Variants in MNAT1 observed in about 807,000 individuals in gnomAD.
MNAT1 encodes the protein CDK-activating kinase assembly factor MAT1.
In MNAT1, 43 loss-of-function variants were observed where a neutral mutation model predicts 42.0. That is an observed-to-expected ratio of 1.02 (90% CI 0.80 to 1.32). The LOEUF is 1.32. Ranked by LOEUF, MNAT1 falls within the 40% of genes most tolerant of loss-of-function variation. MNAT1 has a pLI of 0.00. For synonymous variants in MNAT1, 118 were observed against 120.0 expected (o/e 0.98, Z 0.11); for missense variants, 306 against 350.4 (o/e 0.87, Z 1.01).
At chr14:60,878,647 G>GT (rs1486366522) in intron 6 of MNAT1, among the ~76,000 whole-genome samples, 1 of 152,114 alleles carries the variant, frequency 6.6e-6, no homozygotes. Context: ...AATGCCATGA[G>GT]TATTTTGAAT....
At chr14:60,784,976 C>A (rs564704083) in intron 1 of MNAT1, among the ~76,000 whole-genome samples, 2 of 152,240 alleles carry the variant, frequency 1.3e-5, no homozygotes, top group East Asian at 3.9e-4. Flanking sequence ...TCTCAGCCTC[C>A]TGAGTAGCTG....
In MNAT1 at chr14:60,834,983, T is replaced by C. The variant is rs866067612; in HGVS notation, c.687+16136T>C. 4.1e-3 allele frequency among the ~76,000 whole-genome samples: 444 copies of C among 109,494 alleles called. 3 individuals carry two copies. The highest frequency in any genetic ancestry group is 0.013 in the African/African-American group (430 of 32,078). The allele number at this position is 109,494 out of a possible 152,430, so 71.8% of individuals were successfully genotyped here. A position where few individuals can be genotyped will look rare whatever the true frequency, so the allele number is the denominator to read the frequency against. On this transcript the variant is annotated intron_variant, in intron 6 of 7. Coordinates refer to ENST00000261245, the MANE Select transcript of MNAT1 (RefSeq NM_002431.4). ...TTCCTTCCTTCCTTCCTTCCTACCT[T>C]GCTCCCGCCCTCCCTCCCTCCCTCC...
chr14:60,892,651 C>T (rs186447103), intron 7 of MNAT1, among the ~76,000 whole-genome samples: 2 of 152,002 alleles, frequency 1.3e-5, no homozygotes, highest in East Asian at 3.9e-4. Flanking sequence ...TTTACATGTG[C>T]CTTATAGCTT....
intron 1 of MNAT1, among the ~76,000 whole-genome samples, chr14:60,787,035 G>A (rs1372093857): frequency 6.6e-6 from 1 of 152,160 alleles, no homozygotes. Flanking sequence ...AGGTCTGTAT[G>A]CAAATGCTAG....
chr14:60,758,819 G>A (rs542495545), intron 1 of MNAT1, among the ~76,000 whole-genome samples: 26 of 151,970 alleles, frequency 1.7e-4, no homozygotes, highest in South Asian at 1.2e-3. Flanking sequence ...TTGAAGTTTT[G>A]GTTGACCTTA....
chr14:60,894,527 C>T (rs1253879643), intron 7 of MNAT1, among the ~76,000 whole-genome samples: 2 of 151,902 alleles, frequency 1.3e-5, no homozygotes, highest in Admixed American at 1.3e-4. Flanking sequence ...TGTTTGGAGC[C>T]CTTTTTGTGT....
intron 7 of MNAT1, among the ~76,000 whole-genome samples, chr14:60,913,675 C>T (rs929690454): frequency 2.0e-5 from 3 of 152,134 alleles, no homozygotes; most frequent in Non-Finnish European, 4.4e-5. Context: ...GCTGCCTGAT[C>T]ATTCCTCTGG....
chr14:60,814,116 T>C (rs577651887), intron 5 of MNAT1, among the ~76,000 whole-genome samples: 2 of 152,286 alleles, frequency 1.3e-5, no homozygotes, highest in South Asian at 2.1e-4. Flanking sequence ...ATTTTTCTAA[T>C]AATGAGCTCA....
intron 1 of MNAT1, among the ~76,000 whole-genome samples, chr14:60,793,612 A>G (rs184292931): frequency 4.6e-5 from 7 of 151,894 alleles, no homozygotes; most frequent in African/African-American, 1.2e-4. Flanking sequence ...GCCTCAAGCT[A>G]TCTTCCTGCT....
intron 1 of MNAT1, among the ~76,000 whole-genome samples, chr14:60,795,799 G>GT (rs1159338807): frequency 6.6e-6 from 1 of 152,180 alleles, no homozygotes; most frequent in Non-Finnish European, 1.5e-5. Flanking sequence ...AAAAACATCT[G>GT]TTTTAGTGCT....
chr14:60,776,658 G>A lies in MNAT1; in HGVS notation c.90-19559G>A, dbSNP rs1229393542. 3.3e-5 allele frequency among the ~76,000 whole-genome samples: 5 copies of A among 152,242 alleles called. No individual in the cohort carries two copies. In the South Asian group the frequency reaches 8.3e-4, roughly 25 times the overall value. On this transcript the variant is annotated intron_variant, in intron 1 of 7. Transcript: ENST00000261245. ...CAGAACTAGTATCACTGATTGAAGT[G>A]TCTGCAATATGAGTATGTATTACGT...
intron 6 of MNAT1, among the ~76,000 whole-genome samples, chr14:60,823,280 TAGC>T (rs1303439730): frequency 6.6e-6 from 1 of 152,182 alleles, no homozygotes; most frequent in Non-Finnish European, 1.5e-5. Context: ...GAGAGCTTGT[TAGC>T]AGCAGTGCTC....
At chr14:60,959,762 A>G (rs1594912746) in intron 7 of MNAT1, among the ~76,000 whole-genome samples, 2 of 152,282 alleles carry the variant, frequency 1.3e-5, no homozygotes, top group East Asian at 3.9e-4. Flanking sequence ...GAAGAAAACG[A>G]AGGCTGGGTT....
chr14:60,770,301 A>G (rs1031518477), intron 1 of MNAT1, among the ~76,000 whole-genome samples: 1 of 152,136 alleles, frequency 6.6e-6, no homozygotes, highest in Admixed American at 6.6e-5. Flanking sequence ...CATTATATAT[A>G]TATAGTATCC....
chr14:60,908,041 A>G (rs1055939409), intron 7 of MNAT1, among the ~76,000 whole-genome samples: 2 of 152,164 alleles, frequency 1.3e-5, no homozygotes, highest in Non-Finnish European at 2.9e-5. Context: ...TATAACATCT[A>G]TTGAACATAA....
At chr14:60,940,004 C>G (rs374528542) in intron 7 of MNAT1, among the ~76,000 whole-genome samples, 3 of 152,030 alleles carry the variant, frequency 2.0e-5, no homozygotes, top group Admixed American at 6.6e-5. Context: ...CTTTGTCTCT[C>G]TTGATCTTTG....
chr14:60,748,052 C>T (rs367971093), intron 1 of MNAT1, among the ~76,000 whole-genome samples: 3 of 152,038 alleles, frequency 2.0e-5, no homozygotes, highest in Non-Finnish European at 4.4e-5. Flanking sequence ...AAAAATTAGC[C>T]GAGTGTGGTG....
chr14:60,812,187 T>A (rs2032573944), intron 5 of MNAT1, 60 bp downstream of exon 5: 1 of 1,435,254 alleles, frequency 7.0e-7, no homozygotes. Flanking sequence ...CCTTTCCTAG[T>A]AGGCTGGATG....
At chr14:60,781,348 T>G (rs901710336) in intron 1 of MNAT1, among the ~76,000 whole-genome samples, 1 of 152,242 alleles carries the variant, frequency 6.6e-6, no homozygotes, top group African/African-American at 2.4e-5. Flanking sequence ...CATCATTTAT[T>G]GATTTGTAGA....
Sources: allele counts gnomAD v4.1 joint callset (sites outside exome capture counted in the v4.1 genomes callset), GRCh38; gene constraint gnomAD v4.1.1; transcripts MANE v1.5; gene names NCBI Gene and HGNC (gene_info 2026-07-23, HGNC 2026-07-21).